The following WWP1 variants were observed in gnomAD, a reference collection of about 807,000 sequenced individuals.
The protein encoded by WWP1 is NEDD4-like E3 ubiquitin-protein ligase WWP1.
In WWP1, 49 loss-of-function variants were observed where a neutral mutation model predicts 130.6. The observed-to-expected ratio is 0.38, with a 90% CI of 0.30 to 0.48. The LOEUF is 0.48. Ranked by LOEUF, WWP1 falls within the 20% of genes least tolerant of loss-of-function variation. The pLI is 0.99. For missense variants in WWP1, 809 were observed against 1,100.6 expected (o/e 0.74, Z 3.75); for synonymous variants, 332 against 367.8 (o/e 0.90, Z 1.11).
At chr8:86,430,437 C>T (rs1207106001) in intron 11 of WWP1, among the ~76,000 whole-genome samples, 1 of 151,884 alleles carries the variant, frequency 6.6e-6, no homozygotes. Context: ...TGTGCCAACA[C>T]ATCTGGCTAA....
intron 9 of WWP1, among the ~76,000 whole-genome samples, chr8:86,414,227 C>G (rs1019732959): frequency 2.0e-5 from 3 of 150,946 alleles, no homozygotes; most frequent in Admixed American, 1.3e-4. Context: ...GTTTGTTTTT[C>G]TGTGTGTGTG....
chr8:86,342,954 TG>T, intron 1 of WWP1, 24 bp downstream of exon 1: 2 of 73,692 alleles, frequency 2.7e-5, no homozygotes, highest in East Asian at 3.1e-4. Flanking sequence ...GGCGCGGGGC[TG>T]GGGGTGCGAA....
intron 1 of WWP1, among the ~76,000 whole-genome samples, chr8:86,349,554 G>C (rs74878142): frequency 0.023 from 3,561 of 152,300 alleles, 67 homozygotes; most frequent in Non-Finnish European, 0.035. Flanking sequence ...AGCTTAGGCA[G>C]CTTACTACTT....
chr8:86,343,050 C>A, intron 1 of WWP1, 120 bp downstream of exon 1: 1 of 296,588 alleles, frequency 3.4e-6, no homozygotes, highest in Non-Finnish European at 6.2e-6. Context: ...GCTGGACCCT[C>A]CTAGGACCCG....
chr8:86,379,388 T>C (rs1824856877), intron 3 of WWP1, among the ~76,000 whole-genome samples: 1 of 152,208 alleles, frequency 6.6e-6, no homozygotes, highest in Non-Finnish European at 1.5e-5. Flanking sequence ...GATTTATTTG[T>C]GTGACTATTT....
At chr8:86,382,462 GC>G (rs1426252984) in intron 5 of WWP1, among the ~76,000 whole-genome samples, 2 of 152,066 alleles carry the variant, frequency 1.3e-5, no homozygotes, top group African/African-American at 4.8e-5. Context: ...ACTTTGGGAG[GC>G]CAGGGTGGGC....
At chr8:86,434,186 T>A (rs1810154814) in intron 14 of WWP1, among the ~76,000 whole-genome samples, 1 of 152,162 alleles carries the variant, frequency 6.6e-6, no homozygotes, top group Admixed American at 6.5e-5. Context: ...AAAACAAAAT[T>A]TAATTAAAAG....
At chr8:86,446,202 G>A (rs1249654262) in intron 18 of WWP1, among the ~76,000 whole-genome samples, 6 of 149,140 alleles carry the variant, frequency 4.0e-5, no homozygotes, top group Middle Eastern at 3.2e-3. Flanking sequence ...GGCTGGTCTC[G>A]AACTCCTAAC....
At chr8:86,440,315 T>G (rs990463855) in intron 17 of WWP1, among the ~76,000 whole-genome samples, 1 of 152,210 alleles carries the variant, frequency 6.6e-6, no homozygotes, top group African/African-American at 2.4e-5. Flanking sequence ...ATTTAATTCA[T>G]GTATTGGTGG....
At chr8:86,424,137 C>T (rs1367684303) in intron 9 of WWP1, among the ~76,000 whole-genome samples, 49 of 149,748 alleles carry the variant, frequency 3.3e-4, no homozygotes, top group African/African-American at 8.4e-4. Flanking sequence ...ATGGGGCGGC[C>T]GGGCAGAGAC....
At position 86,448,493 on chromosome 8, in the gene WWP1, G is replaced by T. The variant is rs772664526; in HGVS notation, c.2253G>T (p.Glu751Asp). The change falls in exon 20 of 25, where the codon GAG becomes GAT. Residue 751 changes from glutamate (E) to aspartate (D), a missense_variant. Coordinates refer to ENST00000517970, the MANE Select transcript of WWP1 (RefSeq NM_007013.4). The stretch of plus-strand genomic sequence containing the variant: ...GTTCCAATATTCTGGTGACTGAGGA[G>T]AACAAAGATGAATATATTGGGTAAG... ...LGGSNILVTE[E>D]NKDEYIGLMT... The T allele has an allele frequency of 1.4e-5, 22 of 1,613,190 alleles. No individual in the cohort carries two copies. The East Asian group carries it at 4.7e-4, about 34-fold the overall frequency.
rs973706235 is a variant in WWP1, at chr8:86,425,329, A to G, written c.1157+11A>G. 1 of 1,585,150 alleles carries G rather than the reference A, an allele frequency of 6.3e-7. No homozygotes were observed. Among genetic ancestry groups the G allele is most frequent in the African/African-American group, 1.4e-5 (1 of 73,842 alleles). On this transcript the variant is annotated intron_variant, in intron 10 of 24. Transcript: ENST00000517970. ...ACCTTTACCTCCAGGGTAATATAGC[A>G]CTCTTTATGCATTTGTAATTATATT...
At chr8:86,373,171 G>T (rs1438514710) in intron 2 of WWP1, among the ~76,000 whole-genome samples, 2 of 140,594 alleles carry the variant, frequency 1.4e-5, no homozygotes, top group South Asian at 2.3e-4. Context: ...TTTATCTTTT[G>T]TTACTGATTT....
intron 24 of WWP1, among the ~76,000 whole-genome samples, chr8:86,465,244 C>A (rs1811994386): frequency 6.6e-6 from 1 of 152,150 alleles, no homozygotes; most frequent in Non-Finnish European, 1.5e-5. Context: ...GCCCCCTCCC[C>A]ACCCATAGCA....
intron 3 of WWP1, among the ~76,000 whole-genome samples, chr8:86,375,944 A>G (rs1413949249): frequency 1.3e-5 from 2 of 152,186 alleles, no homozygotes; most frequent in African/African-American, 4.8e-5. Flanking sequence ...AAGCTTTGGG[A>G]TTGTTCATAA....
chr8:86,430,829 A>ATATATATATATGTATG (rs1281641543), intron 12 of WWP1, 78 bp downstream of exon 12: 1 of 534,144 alleles, frequency 1.9e-6, no homozygotes, highest in African/African-American at 2.3e-5. Context: ...ATATATATAT[A>ATATATATATATGTATG]TATGTTCCTT....
chr8:86,393,739 C>T (rs1261416257), intron 5 of WWP1, among the ~76,000 whole-genome samples: 1 of 152,134 alleles, frequency 6.6e-6, no homozygotes, highest in African/African-American at 2.4e-5. Context: ...TTTTCTCATA[C>T]TTTTGAGTAT....
intron 24 of WWP1, among the ~76,000 whole-genome samples, chr8:86,463,957 A>T (rs528049179): frequency 6.6e-6 from 1 of 152,138 alleles, no homozygotes; most frequent in East Asian, 1.9e-4. Context: ...GCTACTCTGG[A>T]GGCTGAGGTG....
chr8:86,440,192 C>G (rs1810515085), intron 17 of WWP1, among the ~76,000 whole-genome samples: 1 of 152,124 alleles, frequency 6.6e-6, no homozygotes, highest in Non-Finnish European at 1.5e-5. Context: ...CATTTACATT[C>G]TTATCTGAGC....
Sources: allele counts gnomAD v4.1 joint callset (sites outside exome capture counted in the v4.1 genomes callset), GRCh38; gene constraint gnomAD v4.1.1; transcripts MANE v1.5; gene names NCBI Gene and HGNC (gene_info 2026-07-23, HGNC 2026-07-21).